Variants in AGBL3 observed in about 807,000 individuals in gnomAD.
AGBL3 encodes the protein AGBL carboxypeptidase 3.
Under a neutral mutation model 94.5 loss-of-function variants are expected in AGBL3, and 68 were observed. That is an observed-to-expected ratio of 0.72 (90% CI 0.59 to 0.88). AGBL3 has a LOEUF of 0.88. Among genes scored for constraint, AGBL3 ranks in the 40% least tolerant of loss-of-function variants. The pLI is 0.00. For missense variants in AGBL3, 934 were observed against 1,103.8 expected (o/e 0.85, Z 2.18); for synonymous variants, 354 against 370.7 (o/e 0.95, Z 0.52).
intron 4 of AGBL3, among the ~76,000 whole-genome samples, chr7:134,995,918 G>T (rs1810956844): frequency 6.6e-6 from 1 of 152,184 alleles, no homozygotes; most frequent in South Asian, 2.1e-4. Context: ...TGTGTAGGAA[G>T]AATCAAAATC....
At chr7:135,024,571 A>G (rs1814880619) in intron 5 of AGBL3, among the ~76,000 whole-genome samples, 1 of 152,222 alleles carries the variant, frequency 6.6e-6, no homozygotes, top group South Asian at 2.1e-4. Context: ...AAGAACTCAG[A>G]TAATTCGAAA....
chr7:134,994,775 C>A (rs1810775373), intron 4 of AGBL3, among the ~76,000 whole-genome samples: 1 of 152,052 alleles, frequency 6.6e-6, no homozygotes, highest in African/African-American at 2.4e-5. Context: ...TCATAGAGGA[C>A]AAAGGTAATT....
At position 135,008,208 on chromosome 7, in the gene AGBL3, T is replaced by G. The variant is rs190008267; in HGVS notation, c.311-8844T>G. On this transcript the variant is annotated intron_variant, in intron 4 of 16. Coordinates refer to ENST00000436302, the MANE Select transcript of AGBL3 (RefSeq NM_178563.4). The stretch of plus-strand genomic sequence containing the variant: ...AGAAAAAAAAACTTAAGAACATATT[T>G]GAGAGCTCACAATTTCTGATTTCAA... Among the ~76,000 whole-genome samples, 16 of 152,122 alleles carry G rather than the reference T, an allele frequency of 1.1e-4. No homozygotes were observed. The East Asian group carries it at 3.1e-3, about 29-fold the overall frequency.
intron 15 of AGBL3, chr7:135,094,224 C>A: frequency 2.8e-6 from 1 of 362,936 alleles, no homozygotes; most frequent in South Asian, 2.1e-5. Flanking sequence ...GCTTGAAAGT[C>A]AACATTCCTG....
chr7:135,064,109 G>A (rs1819072693), intron 12 of AGBL3, among the ~76,000 whole-genome samples: 1 of 152,134 alleles, frequency 6.6e-6, no homozygotes, highest in African/African-American at 2.4e-5. Context: ...TAAGACATAT[G>A]TCCAAATTCA....
chr7:135,010,022 C>G (rs1584814175), intron 4 of AGBL3: 2 of 359,826 alleles, frequency 5.6e-6, no homozygotes, highest in African/African-American at 4.7e-5. Flanking sequence ...GAGGATGACA[C>G]TTTTTTTTTT....
At chr7:135,125,186 T>C (rs1328101503) in intron 16 of AGBL3, among the ~76,000 whole-genome samples, 1 of 151,406 alleles carries the variant, frequency 6.6e-6, no homozygotes, top group African/African-American at 2.4e-5. Context: ...AAAAATCAAA[T>C]AGACACAATA....
At chr7:135,101,382 T>C in intron 15 of AGBL3, 3 of 376,346 alleles carry the variant, frequency 8.0e-6, no homozygotes, top group Non-Finnish European at 1.6e-5. Context: ...GGAACTACTT[T>C]TGTAAAAGGA....
intron 16 of AGBL3, among the ~76,000 whole-genome samples, chr7:135,119,863 C>T (rs143201052): frequency 0.013 from 2,000 of 152,016 alleles, 36 homozygotes; most frequent in African/African-American, 0.045. Context: ...GGTGACAGAG[C>T]GAGACTCCGT....
intron 16 of AGBL3, among the ~76,000 whole-genome samples, chr7:135,134,435 T>C (rs901250556): frequency 6.6e-6 from 1 of 152,078 alleles, no homozygotes; most frequent in East Asian, 1.9e-4. Flanking sequence ...TTACTGGTTA[T>C]AGAAAAAAAT....
At chr7:135,007,944 A>G (rs1812597815) in intron 4 of AGBL3, among the ~76,000 whole-genome samples, 1 of 152,070 alleles carries the variant, frequency 6.6e-6, no homozygotes. Flanking sequence ...GGTAAAGAGT[A>G]CAAGACATAC....
At position 135,076,474 on chromosome 7, in the gene AGBL3, T is replaced by C. The variant is rs1485077367; in HGVS notation, c.1980+6T>C. ...AAAATGCCAGAGGACAAGAGGTAAA[T>C]CTTCATTAATCTAGTTATTAAGGTT... is the stretch of plus-strand genomic sequence containing the variant. On this transcript the variant is annotated splice_donor_region_variant and intron_variant, in intron 13 of 16. Transcript: ENST00000436302. The C allele has an allele frequency of 1.3e-6, 2 of 1,526,664 alleles. No individual in the cohort carries two copies. The highest frequency in any genetic ancestry group is 1.8e-6 in the Non-Finnish European group (2 of 1,125,804). The allele number at this position is 1,526,664 out of a possible 1,614,324, so 94.6% of individuals were successfully genotyped here. A position where few individuals can be genotyped will look rare whatever the true frequency, so the allele number is the denominator to read the frequency against.
At chr7:135,060,572 T>C (rs56096607) in intron 12 of AGBL3, among the ~76,000 whole-genome samples, 73,684 of 151,906 alleles carry the variant, frequency 0.49, 18,239 homozygotes, top group South Asian at 0.65. Flanking sequence ...ACTCCTGCAG[T>C]CCCTGGTAAC....
At chr7:135,028,968 A>T (rs1227801575) in intron 5 of AGBL3, among the ~76,000 whole-genome samples, 1 of 152,250 alleles carries the variant, frequency 6.6e-6, no homozygotes, top group Non-Finnish European at 1.5e-5. Flanking sequence ...ATAAGCAGTA[A>T]TATTTTAAAA....
chr7:135,095,289 C>G (rs1371572330), intron 15 of AGBL3, among the ~76,000 whole-genome samples: 1 of 152,140 alleles, frequency 6.6e-6, no homozygotes, highest in East Asian at 1.9e-4. Flanking sequence ...TTCCTCTCCC[C>G]CATACCTTAC....
At chr7:135,090,549 G>A (rs1340226344) in intron 15 of AGBL3, among the ~76,000 whole-genome samples, 2 of 152,172 alleles carry the variant, frequency 1.3e-5, no homozygotes, top group Non-Finnish European at 2.9e-5. Flanking sequence ...GCTGGGGGCT[G>A]TGACTATTCT....
intron 16 of AGBL3, among the ~76,000 whole-genome samples, chr7:135,125,693 AC>A (rs1277556511): frequency 6.6e-6 from 1 of 152,244 alleles, no homozygotes; most frequent in East Asian, 1.9e-4. Context: ...AAACGTATCC[AC>A]CATGATGAAG....
rs554005791 is a variant in AGBL3, at chr7:135,046,681, C to G, written c.1841+770C>G. On this transcript the variant is annotated intron_variant, in intron 11 of 16. Transcript: ENST00000436302. Reference sequence around the variant, plus strand: ...TTTATTTTTAGCACTCAGTAATATTCCATTGTCTGAATGTACCACAGTTTA... The same window carrying G: ...TTTATTTTTAGCACTCAGTAATATTGCATTGTCTGAATGTACCACAGTTTA... Among the ~76,000 whole-genome samples the G allele has an allele frequency of 2.5e-4, 38 of 152,126 alleles. 2 individuals are homozygous for G. In the South Asian group the frequency reaches 7.3e-3, roughly 29 times the overall value.
In AGBL3 at chr7:135,044,125, AG is replaced by A. The variant is rs772044685; in HGVS notation, c.1603del (p.Ala535ProfsTer47). On this transcript the variant is annotated frameshift_variant, in exon 9 of 17. Transcript: ENST00000436302. LOFTEE classifies it high-confidence loss of function. ...GGAATCAGGAACAGCTTTACCATGG[AG>A]GCCACCTTCTGTGGATCTACTCTGG... Reference protein sequence around the residue: ...KMGIRNSFTMEATFCGSTLGN... With the variant: ...KMGIRNSFTMXATFCGSTLGN... 1.3e-6 allele frequency: 2 copies of A among 1,550,488 alleles called. No homozygotes were observed. Among genetic ancestry groups the A allele is most frequent in the South Asian group, 1.2e-5 (1 of 83,994 alleles).
Sources: allele counts gnomAD v4.1 joint callset (sites outside exome capture counted in the v4.1 genomes callset), GRCh38; gene constraint gnomAD v4.1.1; transcripts MANE v1.5; gene names NCBI Gene and HGNC (gene_info 2026-07-23, HGNC 2026-07-21).